Variants in NRXN2 observed in about 807,000 individuals in gnomAD.
NRXN2 encodes neurexin-2-beta.
In NRXN2, 29 loss-of-function variants were observed where a neutral mutation model predicts 128.8. The ratio of observed to expected loss-of-function variants is 0.23; its 90% CI spans 0.17 to 0.31. The LOEUF is 0.31. Ranked by LOEUF, NRXN2 falls within the 10% of genes least tolerant of loss-of-function variation. The pLI is 1.00. For synonymous variants in NRXN2, 1,098 were observed against 1,075.2 expected (o/e 1.02, Z -0.41); for missense variants, 1,881 against 2,452.6 (o/e 0.77, Z 4.92).
intron 6 of NRXN2, among the ~76,000 whole-genome samples, chr11:64,679,515 T>C (rs1346506821): frequency 6.6e-6 from 1 of 152,034 alleles, no homozygotes; most frequent in African/African-American, 2.4e-5. Context: ...CGGGCGCCCG[T>C]AGTCCCAGCT....
chr11:64,630,478 C>G lies in NRXN2; in HGVS notation c.3681G>C (p.Val1227=). ...TGCCGCCGCTTCGAGTGAAGCGCACCACGTGGTATTTGCCGTCGCTTACTA... is the reference window on the plus strand; with the variant it reads ...TGCCGCCGCTTCGAGTGAAGCGCACGACGTGGTATTTGCCGTCGCTTACTA... ...NAIVSDGKYH[V]VRFTRSGGNA... is the part of the protein sequence containing the mutation. The change falls in exon 19 of 23, where the codon GTG becomes GTC. Residue 1227 remains valine (V), a synonymous_variant. Coordinates refer to ENST00000265459, the MANE Select transcript of NRXN2 (RefSeq NM_015080.4). The surrounding 1 kb of genome is among the most constrained non-coding windows in gnomAD (Gnocchi z 4.6). 6.2e-7 allele frequency: 1 copy of G among 1,614,004 alleles called. No homozygotes were observed.
At chr11:64,680,473 TGAC>T (rs2052065338) in intron 6 of NRXN2, among the ~76,000 whole-genome samples, 1 of 152,320 alleles carries the variant, frequency 6.6e-6, no homozygotes, top group East Asian at 1.9e-4. Context: ...TTTGCACCAA[TGAC>T]AACAACCAGG....
Position 64,623,235 on chromosome 11 carries a change from A to C in NRXN2, c.3848-157T>G. On this transcript the variant is annotated intron_variant, in intron 20 of 22. Coordinates refer to ENST00000265459, the MANE Select transcript of NRXN2 (RefSeq NM_015080.4). This position sits in a 1 kb window ranked among gnomAD's most constrained non-coding sequence, Gnocchi z 4.9. ...CGGGGAGAAATGAGGAAGGGGCAGA[A>C]AGCCAAAGGGAAAGTCCTTGTCAGC... The C allele has an allele frequency of 7.9e-7, 1 of 1,269,460 alleles. No individual in the cohort carries two copies. Among genetic ancestry groups the C allele is most frequent in the Non-Finnish European group, 1.1e-6 (1 of 944,674 alleles). The allele number at this position is 1,269,460 out of a possible 1,614,324, so 78.6% of individuals were successfully genotyped here.
At chr11:64,639,558 G>T (rs2045341477) in intron 17 of NRXN2, among the ~76,000 whole-genome samples, 1 of 152,144 alleles carries the variant, frequency 6.6e-6, no homozygotes, top group South Asian at 2.1e-4. Flanking sequence ...AGGACCAGGA[G>T]AGTGTCACCC....
At chr11:64,625,782 C>T (rs1360998192) in intron 20 of NRXN2, among the ~76,000 whole-genome samples, 2 of 152,156 alleles carry the variant, frequency 1.3e-5, no homozygotes, top group South Asian at 2.1e-4. Context: ...CTTGGTCTTC[C>T]TCATCAGCCA....
At chr11:64,620,246 C>T in intron 22 of NRXN2, 48 bp downstream of exon 22, 1 of 1,440,878 alleles carries the variant, frequency 6.9e-7, no homozygotes, top group Non-Finnish European at 9.5e-7. Flanking sequence ...CCCCTCCCAG[C>T]AGCATCGCAG....
intron 6 of NRXN2, among the ~76,000 whole-genome samples, chr11:64,681,316 A>T (rs1405692841): frequency 2.0e-5 from 3 of 152,200 alleles, no homozygotes; most frequent in Non-Finnish European, 2.9e-5. Context: ...AACACTCAAT[A>T]GTTGCAGGTA....
intron 20 of NRXN2, among the ~76,000 whole-genome samples, chr11:64,625,062 G>A (rs1029248018): frequency 2.0e-5 from 3 of 152,120 alleles, no homozygotes; most frequent in East Asian, 1.9e-4. Context: ...TTCACACTTC[G>A]GGCACTACCT....
chr11:64,670,483 C>T (rs564482169), intron 7 of NRXN2, among the ~76,000 whole-genome samples: 1 of 152,192 alleles, frequency 6.6e-6, no homozygotes, highest in Admixed American at 6.5e-5. Flanking sequence ...GGGTAATAGG[C>T]TGAATGGGCC....
intron 6 of NRXN2, among the ~76,000 whole-genome samples, chr11:64,678,476 T>C (rs765802347): frequency 4.6e-5 from 7 of 152,176 alleles, no homozygotes; most frequent in South Asian, 2.1e-4. Flanking sequence ...CATAAACCCC[T>C]GAGTCTCCAC....
Position 64,622,894 on chromosome 11 carries a change from CG to C in NRXN2, c.4031del (p.Pro1344ArgfsTer42). On this transcript the variant is annotated frameshift_variant, in exon 21 of 23. Coordinates refer to ENST00000265459, the MANE Select transcript of NRXN2 (RefSeq NM_015080.4). LOFTEE classifies it high-confidence loss of function. This position sits in a 1 kb window ranked among gnomAD's most constrained non-coding sequence, Gnocchi z 4.3. ...EGHLRLVGEG[P>X]SVLLSAETTA... ...TGGTCTCCGCACTGAGCAGCACGGACGGCCCCTCCCCCACCAGGCGCAGGTG... is the reference window on the plus strand; with the variant it reads ...TGGTCTCCGCACTGAGCAGCACGGACGCCCCTCCCCCACCAGGCGCAGGTG... 6.2e-7 allele frequency: 1 copy of C among 1,613,034 alleles called. No homozygotes were observed. Among genetic ancestry groups the C allele is most frequent in the Non-Finnish European group, 8.5e-7 (1 of 1,179,792 alleles).
In NRXN2 at chr11:64,632,812, G is replaced by A. The variant is rs768842185; in HGVS notation, c.3586-2239C>T. ...AGGCGGCGGTGGGGAGAACGAAGCC[G>A]CTCCTACAGCAAATAATTATGGGAG... On this transcript the variant is annotated intron_variant, in intron 18 of 22. Transcript: ENST00000265459. The surrounding 1 kb of genome is among the most constrained non-coding windows in gnomAD (Gnocchi z 4.2). Among the ~76,000 whole-genome samples, 75 of 152,204 alleles carry A rather than the reference G, an allele frequency of 4.9e-4. No homozygotes were observed. Among genetic ancestry groups the A allele is most frequent in the Non-Finnish European group, 1.0e-3 (69 of 68,032 alleles).
intron 17 of NRXN2, among the ~76,000 whole-genome samples, chr11:64,639,953 T>A (rs2045413521): frequency 6.6e-6 from 1 of 152,082 alleles, no homozygotes; most frequent in Non-Finnish European, 1.5e-5. Context: ...CCATGGTTAA[T>A]GGTTAACGGG....
chr11:64,607,088 G>T lies in NRXN2; in HGVS notation c.*108C>A. On this transcript the variant is annotated 3_prime_UTR_variant, in exon 23 of 23. Transcript: ENST00000265459. ...CGTTTCCTCTTCGTAAGAGAAGCCTGAGGCAGCCAGGGAGAGGGTCCCCAG... is the reference window on the plus strand; with the variant it reads ...CGTTTCCTCTTCGTAAGAGAAGCCTTAGGCAGCCAGGGAGAGGGTCCCCAG... 1 of 1,221,066 alleles carries T rather than the reference G, an allele frequency of 8.2e-7. No homozygotes were observed. Among genetic ancestry groups the T allele is most frequent in the African/African-American group, 1.5e-5 (1 of 66,518 alleles). The allele number at this position is 1,221,066 out of a possible 1,614,324, so 75.6% of individuals were successfully genotyped here.
intron 4 of NRXN2, among the ~76,000 whole-genome samples, chr11:64,691,618 C>A (rs1428420689): frequency 6.6e-6 from 1 of 152,148 alleles, no homozygotes; most frequent in South Asian, 2.1e-4. Context: ...TTTGGGAGGG[C>A]CTTCACTTAT....
At chr11:64,629,141 C>G (rs1003181698) in intron 19 of NRXN2, among the ~76,000 whole-genome samples, 5 of 152,188 alleles carry the variant, frequency 3.3e-5, no homozygotes, top group African/African-American at 1.2e-4. Context: ...TGCCCCTGCC[C>G]CTCGCAGTCA....
At chr11:64,644,064 C>A (rs924632107) in intron 17 of NRXN2, among the ~76,000 whole-genome samples, 5 of 152,040 alleles carry the variant, frequency 3.3e-5, no homozygotes, top group African/African-American at 4.8e-5. Flanking sequence ...CACATACATG[C>A]ATGCATGTGC....
At chr11:64,707,267 G>C (rs950948692) in intron 2 of NRXN2, among the ~76,000 whole-genome samples, 4 of 151,712 alleles carry the variant, frequency 2.6e-5, no homozygotes, top group African/African-American at 9.7e-5. Context: ...GGCGCCTGTA[G>C]TCCCAGCTAC....
chr11:64,655,258 G>T (rs1591840825), intron 11 of NRXN2, among the ~76,000 whole-genome samples: 1 of 152,324 alleles, frequency 6.6e-6, no homozygotes, highest in South Asian at 2.1e-4. Flanking sequence ...CAGGACCCTG[G>T]GCCACAGCCT....
Sources: allele counts gnomAD v4.1 joint callset (sites outside exome capture counted in the v4.1 genomes callset), GRCh38; gene constraint gnomAD v4.1.1; non-coding constraint Gnocchi (gnomAD v3.1); transcripts MANE v1.5; gene names NCBI Gene and HGNC (gene_info 2026-07-23, HGNC 2026-07-21).